Variants in LXN observed in about 807,000 individuals in gnomAD.
LXN encodes the protein MUM.
Under a neutral mutation model 29.8 loss-of-function variants are expected in LXN, and 28 were observed. The ratio of observed to expected loss-of-function variants is 0.94; its 90% CI spans 0.70 to 1.29. LXN has a LOEUF of 1.29. Among genes scored for constraint, LXN ranks in the 50% most tolerant of loss-of-function variants. LXN has a pLI of 0.00. For synonymous variants in LXN, 77 were observed against 89.6 expected (o/e 0.86, Z 0.80); for missense variants, 227 against 261.7 (o/e 0.87, Z 0.92).
At chr3:158,670,845 G>C in intron 2 of LXN, 112 bp downstream of exon 2, 2 of 1,278,074 alleles carry the variant, frequency 1.6e-6, no homozygotes, top group South Asian at 2.0e-5. Context: ...GAGGTGGGAA[G>C]ATGGCCTGAG....
intron 4 of LXN, among the ~76,000 whole-genome samples, chr3:158,667,508 G>A (rs1052278257): frequency 4.6e-5 from 7 of 152,252 alleles, no homozygotes; most frequent in South Asian, 2.1e-4. Flanking sequence ...AAATAAGGCC[G>A]AGCACAGTGG....
intron 5 of LXN, 56 bp from the exon 6 acceptor site, chr3:158,666,800 G>A (rs1266304815): frequency 2.0e-5 from 30 of 1,529,360 alleles, no homozygotes; most frequent in Non-Finnish European, 2.3e-5. Context: ...TTAGGAAAAC[G>A]TAGTTGGGTT....
At position 158,672,389 on chromosome 3, in the gene LXN, C is replaced by T. The variant is rs928960158; in HGVS notation, c.90G>A (p.Arg30=). Residue 30 remains arginine, a synonymous_variant, in exon 1 of 6, where the codon AGG becomes AGA. Coordinates refer to ENST00000264265, the MANE Select transcript of LXN (RefSeq NM_020169.4). The part of the protein sequence containing the change: ...YINYQQGTPH[R]VFEVQKVKQA... Reference sequence around the variant, plus strand: ...GTTTGACCTTCTGCACCTCAAACACCCTGTGCGGGGTCCCCTGCTGGTAGT... The same window carrying T: ...GTTTGACCTTCTGCACCTCAAACACTCTGTGCGGGGTCCCCTGCTGGTAGT... 3.1e-6 allele frequency: 5 copies of T among 1,614,062 alleles called. No individual in the cohort carries two copies. Among genetic ancestry groups the T allele is most frequent in the Non-Finnish European group, 3.4e-6 (4 of 1,179,982 alleles).
chr3:158,666,424 A>G lies in LXN; in HGVS notation c.*222T>C, dbSNP rs78832083. The stretch of plus-strand genomic sequence containing the variant: ...CGTAATTAAACATTATGAGGCTGAA[A>G]TTGAAGCTTTTTATTTTGGATATAC... On this transcript the variant is annotated 3_prime_UTR_variant, in exon 6 of 6. Transcript: ENST00000264265. 2,656 of 1,537,112 alleles carry G rather than the reference A, an allele frequency of 1.7e-3. 68 individuals are homozygous for G. The East Asian group carries it at 0.053, about 31-fold the overall frequency.
At chr3:158,668,012 T>A (rs2108058234) in intron 4 of LXN, among the ~76,000 whole-genome samples, 1 of 152,268 alleles carries the variant, frequency 6.6e-6, no homozygotes, top group East Asian at 1.9e-4. Context: ...TGTTGGATTA[T>A]AACTCAAGAC....
chr3:158,669,759 G>C (rs376464366), intron 2 of LXN, 149 bp from the exon 3 acceptor site: 2 of 704,340 alleles, frequency 2.8e-6, no homozygotes, highest in African/African-American at 1.8e-5. Context: ...ATCTAATTGG[G>C]CCTGGCCTAT....
chr3:158,672,576 G>T lies in LXN; in HGVS notation c.-98C>A. ...CTGCTTGCTGCTGGGTCCGGTTGCC[G>T]AGGCGGAAAAGTCGCAAGCTCCTTC... On this transcript the variant is annotated 5_prime_UTR_variant, in exon 1 of 6. Transcript: ENST00000264265. The T allele has an allele frequency of 6.7e-7, 1 of 1,503,124 alleles. No individual in the cohort carries two copies. The allele number at this position is 1,503,124 out of a possible 1,614,324, so 93.1% of individuals were successfully genotyped here. A position where few individuals can be genotyped will look rare whatever the true frequency, so the allele number is the denominator to read the frequency against.
At position 158,669,595 on chromosome 3, in the gene LXN, A is replaced by G. The variant is rs745836948; in HGVS notation, c.208T>C (p.Cys70Arg). 42 of 1,613,686 alleles carry G rather than the reference A, an allele frequency of 2.6e-5. No homozygotes were observed. The highest frequency in any genetic ancestry group is 3.5e-5 in the Non-Finnish European group (41 of 1,179,862). The part of the protein sequence containing the change: ...EIIQKQVKVN[C>R]TAEVLYPSTG... Reference sequence around the variant, plus strand: ...GAAGGGTAAAGTACTTCAGCTGTGCAGTTCACCTTAACTTGCTGTTTGAAA... The same window carrying G: ...GAAGGGTAAAGTACTTCAGCTGTGCGGTTCACCTTAACTTGCTGTTTGAAA... Residue 70 changes from cysteine (C) to arginine (R), a missense_variant, in exon 3 of 6, where the codon TGC becomes CGC. By Grantham distance (180) the Cys-to-Arg change is radical. Transcript: ENST00000264265.
At chr3:158,671,267 A>G (rs904647053) in intron 1 of LXN, among the ~76,000 whole-genome samples, 4 of 152,254 alleles carry the variant, frequency 2.6e-5, no homozygotes, top group Admixed American at 6.5e-5. Context: ...TTCACTTTCA[A>G]TCATCAAAAG....
In LXN at chr3:158,672,633, C is replaced by G; in HGVS notation, c.-155G>C. On this transcript the variant is annotated 5_prime_UTR_variant, in exon 1 of 6. Coordinates refer to ENST00000264265, the MANE Select transcript of LXN (RefSeq NM_020169.4). The stretch of plus-strand genomic sequence containing the variant: ...TCTTCTTCCTCAGCTCCTTCCGACT[C>G]CGGAAGCTGCTGTTTGGGCCCAGGC... The G allele has an allele frequency of 2.4e-6, 2 of 850,788 alleles. No individual in the cohort carries two copies. Among genetic ancestry groups the G allele is most frequent in the Middle Eastern group, 3.8e-4 (1 of 2,632 alleles). 52.7% of individuals were successfully genotyped at this position (850,788 alleles called of 1,614,324 possible).
At chr3:158,669,259 G>T in intron 3 of LXN, 127 bp from the exon 4 acceptor site, 1 of 1,223,962 alleles carries the variant, frequency 8.2e-7, no homozygotes, top group Non-Finnish European at 1.1e-6. Flanking sequence ...ATTAAGCTAT[G>T]GATCTATAAA....
Position 158,667,094 on chromosome 3 carries a change from C to A in LXN, c.508-20G>T, listed in dbSNP as rs4680455. The A allele has an allele frequency of 0.17, 260,702 of 1,558,816 alleles. 22,978 individuals carry two copies. Among genetic ancestry groups the A allele is most frequent in the South Asian group, 0.23 (18,659 of 81,784 alleles). ...TCTTTGCTATGACAAAAAATAAAAACGTGTTGTTTAAAACTTAATATCTTT... is the reference window on the plus strand; with the variant it reads ...TCTTTGCTATGACAAAAAATAAAAAAGTGTTGTTTAAAACTTAATATCTTT... On this transcript the variant is annotated intron_variant, in intron 4 of 5. Coordinates refer to ENST00000264265, the MANE Select transcript of LXN (RefSeq NM_020169.4).
At chr3:158,671,640 C>T (rs1724324555) in intron 1 of LXN, among the ~76,000 whole-genome samples, 1 of 152,198 alleles carries the variant, frequency 6.6e-6, no homozygotes, top group African/African-American at 2.4e-5. Context: ...TGTGTCACCT[C>T]TAAAAGACTG....
At chr3:158,672,199 A>G (rs1183886653) in intron 1 of LXN, 151 bp downstream of exon 1, 4 of 951,162 alleles carry the variant, frequency 4.2e-6, no homozygotes, top group African/African-American at 3.3e-5. Context: ...AAACCTTAAT[A>G]TCTCAAGACC....
rs377765602 is a variant in LXN at position 158,669,613 on chromosome 3, G to C, written c.193-3C>G. The C allele has an allele frequency of 1.2e-6, 2 of 1,612,598 alleles. No individual in the cohort carries two copies. The highest frequency in any genetic ancestry group is 3.4e-5 in the Admixed American group (2 of 59,648). On this transcript the variant is annotated splice_polypyrimidine_tract_variant and splice_region_variant and intron_variant, in intron 2 of 5. Transcript: ENST00000264265. ...GCTGTGCAGTTCACCTTAACTTGCT[G>C]TTTGAAATTTAGCAAAATATCCTTA... is the stretch of plus-strand genomic sequence containing the variant.
At position 158,667,033 on chromosome 3, in the gene LXN, T is replaced by G; in HGVS notation, c.549A>C (p.Leu183=). Residue 183 remains leucine (L), a synonymous_variant, in exon 5 of 6, where the codon CTA becomes CTC. Coordinates refer to ENST00000264265, the MANE Select transcript of LXN (RefSeq NM_020169.4). ...TTACCTGAGATGCTATATTATGAAGTAGAATGGTGTAGTCTAATTCAATAA... is the reference window on the plus strand; with the variant it reads ...TTACCTGAGATGCTATATTATGAAGGAGAATGGTGTAGTCTAATTCAATAA... ...DDFIELDYTI[L]LHNIASQEII... is the part of the protein sequence containing the mutation. 6.3e-7 allele frequency: 1 copy of G among 1,597,940 alleles called. No homozygotes were observed. Among genetic ancestry groups the G allele is most frequent in the Non-Finnish European group, 8.5e-7 (1 of 1,174,934 alleles).
At chr3:158,666,767 C>T (rs767197762) in intron 5 of LXN, 23 bp from the exon 6 acceptor site, 1 of 1,590,570 alleles carries the variant, frequency 6.3e-7, no homozygotes, top group African/African-American at 1.3e-5. Context: ...AAAATTAATG[C>T]CATGATAAAA....
chr3:158,666,693 T>C lies in LXN; in HGVS notation c.622A>G (p.Lys208Glu). 2 of 1,614,072 alleles carry C rather than the reference T, an allele frequency of 1.2e-6. No individual in the cohort carries two copies. Among genetic ancestry groups the C allele is most frequent in the Non-Finnish European group, 1.7e-6 (2 of 1,179,976 alleles). Residue 208 changes from lysine to glutamate, a missense_variant, in exon 6 of 6, where the codon AAA (lysine) becomes GAA (glutamate). Coordinates refer to ENST00000264265, the MANE Select transcript of LXN (RefSeq NM_020169.4). ...QVLWHPQYGTKVKHNSRLPKE... is the reference protein window; with the variant it reads ...QVLWHPQYGTEVKHNSRLPKE... ...GGCAGACGGCTATTATGTTTTACTT[T>C]AGTGCCGTATTGTGGATGCCAGAGA...
rs1723699034 is a variant in LXN at position 158,666,533 on chromosome 3, G to A, written c.*113C>T. The stretch of plus-strand genomic sequence containing the variant: ...CTATAAAGTTCTATACTGTAATCAA[G>A]ACATTTATATAAAGTGACACTTTGG... On this transcript the variant is annotated 3_prime_UTR_variant, in exon 6 of 6. Coordinates refer to ENST00000264265, the MANE Select transcript of LXN (RefSeq NM_020169.4). 8.5e-7 allele frequency: 1 copy of A among 1,173,916 alleles called. No homozygotes were observed. The highest frequency in any genetic ancestry group is 1.3e-6 in the Non-Finnish European group (1 of 791,720). 72.7% of individuals were successfully genotyped at this position (1,173,916 alleles called of 1,614,324 possible).
Sources: allele counts gnomAD v4.1 joint callset (sites outside exome capture counted in the v4.1 genomes callset), GRCh38; gene constraint gnomAD v4.1.1; transcripts MANE v1.5; gene names NCBI Gene and HGNC (gene_info 2026-07-23, HGNC 2026-07-21).